INTS1: variants seen among roughly 807,000 people sequenced by gnomAD.
INTS1 encodes integrator complex subunit 1.
INTS1 carries 137 observed loss-of-function variants against 241.6 expected under a neutral mutation model. That is an observed-to-expected ratio of 0.57 (90% CI 0.49 to 0.65). The LOEUF (loss-of-function observed/expected upper bound fraction) is 0.65. Among genes scored for constraint, INTS1 ranks in the 30% least tolerant of loss-of-function variants. The probability of loss-of-function intolerance (pLI) is 0.00; values close to 1 mark genes in which losing one functional copy is unlikely to be tolerated. For missense variants in INTS1, 3,073 were observed against 3,032.2 expected (o/e 1.01, Z -0.32); for synonymous variants, 1,692 against 1,337.8 (o/e 1.26, Z -5.78).
At chr7:1,484,298 A>G in intron 24 of INTS1, 128 bp from the exon 25 acceptor site, 1 of 985,692 alleles carries the variant, frequency 1.0e-6, no homozygotes, top group Non-Finnish European at 1.5e-6. Context: ...GCAGACCCTC[A>G]CTCAGCCGCA....
At chr7:1,472,836 G>A (rs964484590) in intron 43 of INTS1, among the ~76,000 whole-genome samples, 9 of 89,840 alleles carry the variant, frequency 1.0e-4, no homozygotes, top group African/African-American at 3.6e-4. Flanking sequence ...GGTGGGGAGG[G>A]CCATTTGCCG....
At position 1,497,354 on chromosome 7, in the gene INTS1, T is replaced by C. The variant is rs746934461; in HGVS notation, c.1426-40A>G. 1.3e-5 allele frequency: 20 copies of C among 1,581,672 alleles called. No homozygotes were observed. In the South Asian group the frequency reaches 2.2e-4, roughly 17 times the overall value. On this transcript the variant is annotated intron_variant, in intron 10 of 47. Transcript: ENST00000404767. This position sits in a 1 kb window ranked among gnomAD's most constrained non-coding sequence, Gnocchi z 5.3. ...GGCCGCGTGGGAGGCTGCCCGACAG[T>C]GCTGTCCCTGTCACAGGCCCCTTCC...
Position 1,495,416 on chromosome 7 carries a change from C to G in INTS1, c.1832+17G>C. On this transcript the variant is annotated intron_variant, in intron 13 of 47. Coordinates refer to ENST00000404767, the MANE Select transcript of INTS1 (RefSeq NM_001080453.3). ...AGTGGGGTGTGGGACAGGGGCTGTA[C>G]AGGGCCCCAGCCGCACCAGTGCACG... 5 of 1,603,880 alleles carry G rather than the reference C, an allele frequency of 3.1e-6. No homozygotes were observed. The highest frequency in any genetic ancestry group is 4.3e-6 in the Non-Finnish European group (5 of 1,175,408).
Position 1,487,426 on chromosome 7 carries a change from G to A in INTS1, c.2540C>T (p.Pro847Leu), listed in dbSNP as rs776776658. ...GCTTTTCACTTGATCCAGGATGTGA[G>A]GGGGAGGCCTCCGGGGGGGCCCCCT... ...DPQGPPRRPP[P>L]HILDQVKSLN... is the part of the protein sequence containing the mutation. The change falls in exon 20 of 48, where the codon CCT (proline) becomes CTT (leucine). Residue 847 changes from proline (P) to leucine (L), a missense_variant. Coordinates refer to ENST00000404767, the MANE Select transcript of INTS1 (RefSeq NM_001080453.3). 9 of 1,611,796 alleles carry A rather than the reference G, an allele frequency of 5.6e-6. No individual in the cohort carries two copies. The highest frequency in any genetic ancestry group is 6.8e-6 in the Non-Finnish European group (8 of 1,179,422).
intron 21 of INTS1, 48 bp downstream of exon 21, chr7:1,486,872 CAG>C (rs765244715): frequency 4.4e-5 from 69 of 1,567,836 alleles, no homozygotes; most frequent in African/African-American, 1.4e-4. Flanking sequence ...GTTGCCCTGA[CAG>C]GGGTGCGGGG....
intron 44 of INTS1, 175 bp from the exon 45 acceptor site, chr7:1,471,816 C>T (rs561486410): frequency 7.6e-4 from 473 of 624,374 alleles, no homozygotes; most frequent in African/African-American, 6.8e-3. Flanking sequence ...CACAAATACC[C>T]GGCCCTGCCC....
intron 11 of INTS1, among the ~76,000 whole-genome samples, chr7:1,496,716 C>T (rs887390503): frequency 6.6e-6 from 1 of 152,154 alleles, no homozygotes; most frequent in Non-Finnish European, 1.5e-5. Context: ...CAGGCCACCC[C>T]GGCAGGCTGG....
In INTS1 at chr7:1,480,269, C is replaced by A. The variant is rs765684793; in HGVS notation, c.4074+48G>T. 90 of 1,561,386 alleles carry A rather than the reference C, an allele frequency of 5.8e-5. 1 individual carries two copies. The highest frequency in any genetic ancestry group is 5.3e-4 in the South Asian group (45 of 85,256). ...GCGAGGCGGCAGCGAAGGCTGCACG[C>A]AGGAAGAGGGGCTGCAGGTGGAGAC... On this transcript the variant is annotated intron_variant, in intron 30 of 47. Transcript: ENST00000404767.
In INTS1 at chr7:1,496,028, G is replaced by T. The variant is rs974875311; in HGVS notation, c.1711+128C>A. The T allele has an allele frequency of 5.9e-6, 4 of 681,722 alleles. No homozygotes were observed. The African/African-American group carries it at 7.2e-5, about 12-fold the overall frequency. The allele number at this position is 681,722 out of a possible 1,614,324, so 42.2% of individuals were successfully genotyped here. On this transcript the variant is annotated intron_variant, in intron 12 of 47. Coordinates refer to ENST00000404767, the MANE Select transcript of INTS1 (RefSeq NM_001080453.3). ...GGCAGCTTCCAGGCTCCGTGTCCCC[G>T]AGTAGCCGTGCTGCGGGACCGCTCC... is the stretch of plus-strand genomic sequence containing the variant.
chr7:1,477,790 G>A lies in INTS1; in HGVS notation c.4777C>T (p.Pro1593Ser). The A allele has an allele frequency of 1.2e-6, 2 of 1,612,516 alleles. No individual in the cohort carries two copies. The highest frequency in any genetic ancestry group is 1.7e-6 in the Non-Finnish European group (2 of 1,179,818). ...GCACCCGGCTTCCCCCCAGCCAGGG[G>A]CTCCTCCTCCTGCAGCAGCAGGGAG... is the stretch of plus-strand genomic sequence containing the variant. ...VSSLLLQEEE[P>S]LAGGKPGADG... Residue 1593 changes from proline (P) to serine (S), a missense_variant, in exon 34 of 48, where the codon CCC becomes TCC. Physicochemically the swap from Pro to Ser is moderately conservative, Grantham distance 74. Transcript: ENST00000404767.
Position 1,481,601 on chromosome 7 carries a change from T to C in INTS1, c.3704-113A>G. 1.0e-6 allele frequency: 1 copy of C among 980,432 alleles called. No homozygotes were observed. The highest frequency in any genetic ancestry group is 1.3e-6 in the Non-Finnish European group (1 of 742,498). The allele number at this position is 980,432 out of a possible 1,614,324, so 60.7% of individuals were successfully genotyped here. On this transcript the variant is annotated intron_variant, in intron 27 of 47. Transcript: ENST00000404767. The surrounding 1 kb of genome is among the most constrained non-coding windows in gnomAD (Gnocchi z 6.8). Reference sequence around the variant, plus strand: ...CAGTGACCCCACCCACCTGAGACCCTGGGCCACGTGGGCTCGGTGACCCCA... The same window carrying C: ...CAGTGACCCCACCCACCTGAGACCCCGGGCCACGTGGGCTCGGTGACCCCA...
chr7:1,499,787 A>G lies in INTS1; in HGVS notation c.684+97T>C. 4.7e-6 allele frequency: 7 copies of G among 1,489,854 alleles called. No individual in the cohort carries two copies. The South Asian group carries it at 5.3e-5, about 11-fold the overall frequency. 92.3% of individuals were successfully genotyped at this position (1,489,854 alleles called of 1,614,324 possible). ...GCCATCACCACCAGGGCTGTCAGAC[A>G]CAGCCCTCTGGAGAGAACACACTTC... is the stretch of plus-strand genomic sequence containing the variant. On this transcript the variant is annotated intron_variant, in intron 5 of 47. Coordinates refer to ENST00000404767, the MANE Select transcript of INTS1 (RefSeq NM_001080453.3).
intron 14 of INTS1, among the ~76,000 whole-genome samples, chr7:1,494,290 G>T (rs1352875902): frequency 3.9e-5 from 6 of 152,230 alleles, no homozygotes; most frequent in African/African-American, 1.4e-4. Context: ...AGCCTGACCG[G>T]AAGGCCGCAG....
intron 22 of INTS1, among the ~76,000 whole-genome samples, chr7:1,486,260 CATTT>C (rs942105700): frequency 6.7e-6 from 1 of 148,912 alleles, no homozygotes; most frequent in Non-Finnish European, 1.5e-5. Flanking sequence ...CTTTATTTTT[CATTT>C]ATTTATTTTT....
Position 1,486,784 on chromosome 7 carries a change from G to A in INTS1, c.2827-10C>T, listed in dbSNP as rs776562209. On this transcript the variant is annotated splice_polypyrimidine_tract_variant and intron_variant, in intron 21 of 47. Transcript: ENST00000404767. Reference sequence around the variant, plus strand: ...GCTGCTTCTGTTGCCTCTGCAGGGAGGAAGGGGCTCTCAGGGGTGCAGGTG... The same window carrying A: ...GCTGCTTCTGTTGCCTCTGCAGGGAAGAAGGGGCTCTCAGGGGTGCAGGTG... The A allele has an allele frequency of 7.4e-6, 12 of 1,611,422 alleles. No homozygotes were observed. The East Asian group carries it at 2.7e-4, about 36-fold the overall frequency.
chr7:1,490,521 G>A (rs73275982), intron 16 of INTS1, among the ~76,000 whole-genome samples: 2,313 of 152,284 alleles, frequency 0.015, 56 homozygotes, highest in African/African-American at 0.05. Flanking sequence ...CTGGATAAAC[G>A]GGAACCCTTG....
intron 18 of INTS1, 117 bp from the exon 19 acceptor site, chr7:1,488,074 C>A: frequency 2.7e-6 from 3 of 1,112,948 alleles, no homozygotes; most frequent in Non-Finnish European, 2.7e-6. Flanking sequence ...CTCTGCTGCA[C>A]AGCAGTCAGG....
rs371944589 is a variant in INTS1, at chr7:1,497,114, C to T, written c.1602+24G>A. ...CGTGGAACCCGCAGTGAGGGAAAGG[C>T]GCCCCAGCGGCGAGGGCTGGCACCT... On this transcript the variant is annotated intron_variant, in intron 11 of 47. Transcript: ENST00000404767. This position sits in a 1 kb window ranked among gnomAD's most constrained non-coding sequence, Gnocchi z 5.3. 24 of 1,575,868 alleles carry T rather than the reference C, an allele frequency of 1.5e-5. No homozygotes were observed. The African/African-American group carries it at 2.2e-4, about 14-fold the overall frequency.
In INTS1 at chr7:1,476,067, G is replaced by A; in HGVS notation, c.5383C>T (p.Leu1795=). 1 of 1,542,680 alleles carries A rather than the reference G, an allele frequency of 6.5e-7. No individual in the cohort carries two copies. The highest frequency in any genetic ancestry group is 8.7e-7 in the Non-Finnish European group (1 of 1,146,040). ...AGAAGGTCTCGGCAGCGCCTGCCCAGCACGCTGGAAGAGGTGGAGCAGGGC... is the reference window on the plus strand; with the variant it reads ...AGAAGGTCTCGGCAGCGCCTGCCCAACACGCTGGAAGAGGTGGAGCAGGGC... ...GCIQQWGDSV[L]GRRCRDLLLQ... is the part of the protein sequence containing the mutation. The change falls in exon 39 of 48, where the codon CTG becomes TTG. Residue 1795 remains leucine, a synonymous_variant. Coordinates refer to ENST00000404767, the MANE Select transcript of INTS1 (RefSeq NM_001080453.3).
Sources: allele counts gnomAD v4.1 joint callset (sites outside exome capture counted in the v4.1 genomes callset), GRCh38; gene constraint gnomAD v4.1.1; non-coding constraint Gnocchi (gnomAD v3.1); transcripts MANE v1.5; gene names NCBI Gene and HGNC (gene_info 2026-07-23, HGNC 2026-07-21).